TSPAN18: variants seen among roughly 807,000 people sequenced by gnomAD.
The protein encoded by TSPAN18 is tetraspanin-18.
Under a neutral mutation model 27.3 loss-of-function variants are expected in TSPAN18, and 14 were observed. The observed-to-expected ratio is 0.51, with a 90% CI of 0.34 to 0.80. The LOEUF (loss-of-function observed/expected upper bound fraction) is 0.80, where lower values mean the gene tolerates loss of function less well. TSPAN18 is among the 30% of genes least tolerant of loss of function. TSPAN18 has a pLI of 0.01. For synonymous variants in TSPAN18, 143 were observed against 136.5 expected (o/e 1.05, Z -0.33); for missense variants, 268 against 323.9 (o/e 0.83, Z 1.32).
At chr11:44,824,080 C>G (rs1856985121) in intron 2 of TSPAN18, among the ~76,000 whole-genome samples, 1 of 152,158 alleles carries the variant, frequency 6.6e-6, no homozygotes. Flanking sequence ...CGGGGTCTTC[C>G]CTCAACATAA....
chr11:44,811,682 G>T (rs953234852), intron 2 of TSPAN18, among the ~76,000 whole-genome samples: 1 of 152,072 alleles, frequency 6.6e-6, no homozygotes, highest in Non-Finnish European at 1.5e-5. Context: ...GGTTGGTCAC[G>T]AACTCCTGAC....
intron 1 of TSPAN18, among the ~76,000 whole-genome samples, chr11:44,746,019 T>C (rs1406146648): frequency 1.3e-5 from 2 of 151,870 alleles, no homozygotes; most frequent in East Asian, 3.9e-4. Context: ...AGAGCGAGAG[T>C]CCATCTCAAA....
At chr11:44,790,748 G>T (rs12276455) in intron 2 of TSPAN18, among the ~76,000 whole-genome samples, 1 of 152,206 alleles carries the variant, frequency 6.6e-6, no homozygotes, top group African/African-American at 2.4e-5. Flanking sequence ...ATGAGGCTTA[G>T]AATCCTCCCT....
intron 2 of TSPAN18, among the ~76,000 whole-genome samples, chr11:44,851,622 C>CCG (rs1169214832): frequency 2.7e-5 from 4 of 148,332 alleles, no homozygotes; most frequent in South Asian, 2.2e-4. Context: ...ACCTCCCCCC[C>CCG]CCAACGGCTG....
intron 2 of TSPAN18, among the ~76,000 whole-genome samples, chr11:44,800,926 C>T (rs953870934): frequency 1.3e-5 from 2 of 152,082 alleles, no homozygotes. Flanking sequence ...GCCTGGGCTG[C>T]GAGGGGCTGG....
chr11:44,782,720 G>T (rs572427445), intron 2 of TSPAN18, among the ~76,000 whole-genome samples: 2 of 152,270 alleles, frequency 1.3e-5, no homozygotes, highest in East Asian at 3.9e-4. Context: ...TTGCGTAACG[G>T]TATCGCATTC....
intron 5 of TSPAN18, among the ~76,000 whole-genome samples, chr11:44,911,198 T>C (rs1484587388): frequency 2.6e-5 from 4 of 152,210 alleles, no homozygotes; most frequent in Non-Finnish European, 5.9e-5. Flanking sequence ...CGGATGCTCC[T>C]CATGGGCGAA....
intron 2 of TSPAN18, among the ~76,000 whole-genome samples, chr11:44,824,534 G>A (rs1856994282): frequency 6.6e-6 from 1 of 152,216 alleles, no homozygotes; most frequent in African/African-American, 2.4e-5. Context: ...GGGCAGTCAG[G>A]GCCACCCTGT....
chr11:44,911,037 G>C (rs1859692434), intron 5 of TSPAN18, among the ~76,000 whole-genome samples: 1 of 152,228 alleles, frequency 6.6e-6, no homozygotes, highest in Non-Finnish European at 1.5e-5. Flanking sequence ...GGTGGCGCTT[G>C]GGGCCTCCGC....
At chr11:44,865,351 T>C (rs1045012463) in intron 3 of TSPAN18, among the ~76,000 whole-genome samples, 1 of 152,120 alleles carries the variant, frequency 6.6e-6, no homozygotes, top group Non-Finnish European at 1.5e-5. Flanking sequence ...AAATAATGAG[T>C]GTTAAAACAG....
At chr11:44,760,233 G>A (rs1256477232) in intron 1 of TSPAN18, among the ~76,000 whole-genome samples, 1 of 152,220 alleles carries the variant, frequency 6.6e-6, no homozygotes, top group Non-Finnish European at 1.5e-5. Flanking sequence ...CCATTTATGG[G>A]CTCACTCTGA....
intron 4 of TSPAN18, among the ~76,000 whole-genome samples, chr11:44,909,333 A>AGTT (rs1265701982): frequency 6.6e-6 from 1 of 152,074 alleles, no homozygotes; most frequent in African/African-American, 2.4e-5. Context: ...ACCTTCAGCA[A>AGTT]GTTGTTGGTT....
intron 2 of TSPAN18, among the ~76,000 whole-genome samples, chr11:44,793,440 C>A (rs1355871499): frequency 6.6e-6 from 1 of 152,186 alleles, no homozygotes; most frequent in Non-Finnish European, 1.5e-5. Context: ...GTGACCAGCC[C>A]TCCCAGTGTG....
intron 4 of TSPAN18, among the ~76,000 whole-genome samples, chr11:44,908,790 A>AGAAG (rs1859578063): frequency 1.1e-5 from 1 of 94,508 alleles, no homozygotes; most frequent in Non-Finnish European, 2.1e-5. Context: ...AAAGAAAGAA[A>AGAAG]GAAAGAAAGA....
At chr11:44,903,148 C>T (rs1015343321) in intron 3 of TSPAN18, among the ~76,000 whole-genome samples, 2 of 151,212 alleles carry the variant, frequency 1.3e-5, no homozygotes, top group Admixed American at 6.6e-5. Flanking sequence ...CAGCAGAAGC[C>T]GTGGGATATT....
At chr11:44,799,709 T>C (rs749218867) in intron 2 of TSPAN18, among the ~76,000 whole-genome samples, 1 of 152,204 alleles carries the variant, frequency 6.6e-6, no homozygotes, top group Non-Finnish European at 1.5e-5. Flanking sequence ...AACTGAGGCA[T>C]GAGGAGTGAT....
intron 2 of TSPAN18, among the ~76,000 whole-genome samples, chr11:44,827,309 G>A (rs1857064706): frequency 6.6e-6 from 1 of 152,226 alleles, no homozygotes; most frequent in Non-Finnish European, 1.5e-5. Context: ...GCCAGCAGAC[G>A]GAACAAGACC....
chr11:44,875,887 G>C (rs11038184), intron 3 of TSPAN18, among the ~76,000 whole-genome samples: 103,710 of 152,180 alleles, frequency 0.68, 35,660 homozygotes, highest in East Asian at 0.81. Context: ...AAATCTTAGT[G>C]TTTCTGGTAA....
At chr11:44,763,945 G>A (rs1220029850) in intron 1 of TSPAN18, among the ~76,000 whole-genome samples, 1 of 152,116 alleles carries the variant, frequency 6.6e-6, no homozygotes, top group Non-Finnish European at 1.5e-5. Context: ...TCTATAGGCT[G>A]TACAGGAAGC....
Sources: allele counts gnomAD v4.1 joint callset (sites outside exome capture counted in the v4.1 genomes callset), GRCh38; gene constraint gnomAD v4.1.1; transcripts MANE v1.5; gene names NCBI Gene and HGNC (gene_info 2026-07-23, HGNC 2026-07-21).